NBAS: variants seen among roughly 807,000 people sequenced by gnomAD.
NBAS encodes the protein NAG/BC035112 fusion.
In NBAS, 219 loss-of-function variants were observed where a neutral mutation model predicts 302.5. The observed-to-expected ratio is 0.72, with a 90% CI of 0.65 to 0.81. NBAS has a LOEUF of 0.81. NBAS is among the 30% of genes least tolerant of loss of function. The pLI, the probability that NBAS is intolerant of heterozygous loss-of-function variation, is 0.00. For missense variants in NBAS, 2,932 were observed against 2,841.6 expected (o/e 1.03, Z -0.72); for synonymous variants, 1,118 against 1,021.6 (o/e 1.09, Z -1.80).
At chr2:15,151,070 A>G in the NBAS span, among the ~76,000 whole-genome samples, 1 of 152,234 alleles carries the variant, frequency 6.6e-6, no homozygotes, top group African/African-American at 2.4e-5. Flanking sequence ...TCAATAATGG[A>G]GCCGTAGAGA....
At chr2:15,524,626 G>A (rs999920604) in intron 9 of NBAS, among the ~76,000 whole-genome samples, 1 of 152,072 alleles carries the variant, frequency 6.6e-6, no homozygotes, top group African/African-American at 2.4e-5. Flanking sequence ...GAAGGGAGAC[G>A]ACAACCAAAT....
chr2:14,902,168 G>A, the NBAS span, among the ~76,000 whole-genome samples: 9 of 152,218 alleles, frequency 5.9e-5, no homozygotes, highest in East Asian at 1.9e-4. Context: ...GTCTCACTCC[G>A]TCACCCAGGC....
chr2:15,181,581 G>C (rs1414134859), intron 50 of NBAS, among the ~76,000 whole-genome samples: 1 of 152,212 alleles, frequency 6.6e-6, no homozygotes, highest in Non-Finnish European at 1.5e-5. Flanking sequence ...CATTTGACAG[G>C]CCTTCGCAGT....
At chr2:15,465,190 G>A (rs1041575165) in intron 19 of NBAS, among the ~76,000 whole-genome samples, 4 of 152,166 alleles carry the variant, frequency 2.6e-5, no homozygotes, top group Non-Finnish European at 4.4e-5. Flanking sequence ...GCCAGGAACC[G>A]TTCAGAGCTC....
intron 21 of NBAS, among the ~76,000 whole-genome samples, chr2:15,454,692 T>A (rs1177949447): frequency 6.6e-6 from 1 of 152,110 alleles, no homozygotes; most frequent in African/African-American, 2.4e-5. Context: ...TCACCAAGTG[T>A]GTGAGAAGCA....
the NBAS span, among the ~76,000 whole-genome samples, chr2:15,021,261 A>G: frequency 1.5e-4 from 22 of 151,504 alleles, no homozygotes; most frequent in African/African-American, 4.9e-4. Flanking sequence ...TGTTGACCAT[A>G]CGGAGATAAG....
At chr2:15,143,511 G>T in the NBAS span, among the ~76,000 whole-genome samples, 1 of 152,154 alleles carries the variant, frequency 6.6e-6, no homozygotes, top group Non-Finnish European at 1.5e-5. Flanking sequence ...TCTGTGAGAT[G>T]GGTCTCTGAA....
chr2:15,415,768 A>G (rs1292360874), intron 24 of NBAS, 49 bp from the exon 25 acceptor site: 4 of 1,595,688 alleles, frequency 2.5e-6, no homozygotes, highest in Non-Finnish European at 3.4e-6. Context: ...AAGTTAAACT[A>G]AATGCCTTAT....
the NBAS span, among the ~76,000 whole-genome samples, chr2:14,833,118 A>G: frequency 3.3e-5 from 5 of 152,230 alleles, no homozygotes; most frequent in Admixed American, 1.3e-4. Flanking sequence ...TAGGAACTTC[A>G]TAAACATTTG....
At chr2:15,128,948 C>T in the NBAS span, among the ~76,000 whole-genome samples, 1 of 152,224 alleles carries the variant, frequency 6.6e-6, no homozygotes, top group South Asian at 2.1e-4. Context: ...TCAAAAGGAA[C>T]TGTGGAGATA....
the NBAS span, among the ~76,000 whole-genome samples, chr2:14,933,446 G>A: frequency 1.3e-5 from 2 of 152,192 alleles, no homozygotes; most frequent in Non-Finnish European, 2.9e-5. Context: ...AATGATGAAT[G>A]TTCTGGGGCA....
chr2:15,387,301 T>C (rs1675352096), intron 28 of NBAS, among the ~76,000 whole-genome samples: 1 of 152,102 alleles, frequency 6.6e-6, no homozygotes, highest in Admixed American at 6.5e-5. Flanking sequence ...TCTCCTGACC[T>C]TGTGATCCGC....
At chr2:14,998,371 C>G in the NBAS span, among the ~76,000 whole-genome samples, 2 of 152,332 alleles carry the variant, frequency 1.3e-5, no homozygotes, top group South Asian at 4.1e-4. Flanking sequence ...CCTGCTCTCA[C>G]AGGTTGTTGG....
At chr2:15,226,902 T>C (rs1276036773) in intron 47 of NBAS, among the ~76,000 whole-genome samples, 1 of 152,188 alleles carries the variant, frequency 6.6e-6, no homozygotes, top group African/African-American at 2.4e-5. Flanking sequence ...GCCTTTTACT[T>C]CCTTCTCTTG....
At chr2:15,403,712 T>C (rs1034187548) in intron 25 of NBAS, among the ~76,000 whole-genome samples, 2 of 152,142 alleles carry the variant, frequency 1.3e-5, no homozygotes, top group Non-Finnish European at 2.9e-5. Context: ...GGGATGAACG[T>C]ATTCATCTGA....
the NBAS span, among the ~76,000 whole-genome samples, chr2:14,786,670 T>C: frequency 1.1e-4 from 16 of 152,198 alleles, no homozygotes; most frequent in Admixed American, 3.3e-4. Context: ...AGTTTGATTG[T>C]ACTGTGGTCT....
chr2:15,540,349 C>T (rs750578431), intron 6 of NBAS, among the ~76,000 whole-genome samples: 2 of 152,016 alleles, frequency 1.3e-5, no homozygotes, highest in Non-Finnish European at 2.9e-5. Flanking sequence ...GCTCCAGAAA[C>T]GTATGGCCTT....
intron 48 of NBAS, among the ~76,000 whole-genome samples, chr2:15,210,779 T>A (rs568973377): frequency 1.0e-3 from 155 of 152,174 alleles, no homozygotes; most frequent in African/African-American, 3.6e-3. Flanking sequence ...TACAATGGAG[T>A]ACTATTCAGC....
At chr2:15,482,942 A>G (rs1455543848) in intron 12 of NBAS, among the ~76,000 whole-genome samples, 1 of 152,140 alleles carries the variant, frequency 6.6e-6, no homozygotes, top group Non-Finnish European at 1.5e-5. Context: ...TCATGCTACC[A>G]CATTACTGAA....
Sources: gnomAD v4.1 joint callset for allele counts (sites outside exome capture counted in the v4.1 genomes callset) on GRCh38, gnomAD v4.1.1 for gene constraint, MANE v1.5 for transcripts, NCBI Gene and HGNC (gene_info 2026-07-23, HGNC 2026-07-21) for gene names.